BCCIP: variants seen among roughly 807,000 people sequenced by gnomAD.
BCCIP encodes BRCA2 and CDKN1A interacting protein, also known as BRCA2 and CDKN1A-interacting protein.
Under a neutral mutation model 32.8 loss-of-function variants are expected in BCCIP, and 23 were observed. That is an observed-to-expected ratio of 0.70 (90% confidence interval 0.51 to 0.99). The LOEUF (loss-of-function observed/expected upper bound fraction) is 0.99, where lower values mean the gene tolerates loss of function less well. BCCIP is among the 50% of genes least tolerant of loss of function. BCCIP has a pLI of 0.00. For synonymous variants in BCCIP, 144 were observed against 137.6 expected, an observed-to-expected ratio of 1.05 and a Z score of -0.33; for missense variants, 378 against 379.8, an observed-to-expected ratio of 1.00 and a Z score of 0.04.
chr10:125,852,294 T>C, intron 7 of BCCIP: 1 of 1,613,928 alleles, frequency 6.2e-7, no homozygotes, highest in Non-Finnish European at 8.5e-7. Context: ...TAAGGCTACC[T>C]GGTCTGTTCA....
chr10:125,839,400 C>T (rs984856547), downstream of BCCIP, among the ~76,000 whole-genome samples: 3 of 152,230 alleles, frequency 2.0e-5, no homozygotes, highest in Admixed American at 6.5e-5. Flanking sequence ...ACGGTGCCAC[C>T]GACAGCACCC....
chr10:125,829,331 C>A (rs1235224417), intron 3 of BCCIP, among the ~76,000 whole-genome samples: 1 of 152,212 alleles, frequency 6.6e-6, no homozygotes, highest in Non-Finnish European at 1.5e-5. Flanking sequence ...GTGTAGCTGT[C>A]ACTGTTGATG....
chr10:125,830,319 C>G (rs373291723), intron 3 of BCCIP, among the ~76,000 whole-genome samples: 3 of 152,138 alleles, frequency 2.0e-5, no homozygotes, highest in African/African-American at 4.8e-5. Context: ...AAAAGAGGAA[C>G]AGAGTCGAGG....
downstream of BCCIP, chr10:125,841,546 TTAAGA>T: frequency 1.4e-6 from 2 of 1,429,516 alleles, no homozygotes; most frequent in Non-Finnish European, 9.1e-7. Context: ...GTTAGTTTTC[TTAAGA>T]TAATTTTTCA....
intron 7 of BCCIP, among the ~76,000 whole-genome samples, chr10:125,848,400 C>A (rs1944050525): frequency 6.6e-6 from 1 of 152,180 alleles, no homozygotes; most frequent in East Asian, 1.9e-4. Flanking sequence ...CCCCAGGATA[C>A]AAGAGGGCAG....
In BCCIP at chr10:125,823,778, G is replaced by A. The variant is rs557794302; in HGVS notation, c.165+56G>A. On this transcript the variant is annotated intron_variant, in intron 1 of 6. Coordinates refer to ENST00000278100, the MANE Select transcript of BCCIP (RefSeq NM_078468.3). Reference sequence around the variant, plus strand: ...ATACCTGAGAAAAACTTTTTGGCAAGCCCAGGCTGTGTAAAAATAGTGTAG... The same window carrying A: ...ATACCTGAGAAAAACTTTTTGGCAAACCCAGGCTGTGTAAAAATAGTGTAG... The A allele has an allele frequency of 2.6e-5, 42 of 1,594,604 alleles. No individual in the cohort carries two copies. The South Asian group carries it at 4.3e-4, about 16-fold the overall frequency.
chr10:125,842,601 T>C (rs990931835), exon 7 of BCCIP: 1 of 153,598 alleles, frequency 6.5e-6, no homozygotes, highest in African/African-American at 2.4e-5. Context: ...AGCTCAAAAG[T>C]ACCTCTGGGA....
chr10:125,830,834 T>C (rs1411297156), intron 4 of BCCIP, among the ~76,000 whole-genome samples, 183 bp downstream of exon 4: 1 of 152,202 alleles, frequency 6.6e-6, no homozygotes, highest in Non-Finnish European at 1.5e-5. Flanking sequence ...CTGTACCCAG[T>C]TAAAGTTGTT....
Position 125,836,145 on chromosome 10 carries a change from C to T in BCCIP, c.816C>T (p.Ser272=), listed in dbSNP as rs1243725915. ...LKFNYSVQEE[S]DTCLGGKWSF... is the part of the protein sequence containing the mutation. ...TCAACTACTCAGTGCAGGAGGAGAG[C>T]GACACTTGTCTGGGAGGCAAATGGT... is the stretch of plus-strand genomic sequence containing the variant. The change falls in exon 7 of 7, where the codon AGC becomes AGT. Residue 272 remains serine (S), a synonymous_variant. Transcript: ENST00000278100. 6.2e-6 allele frequency: 10 copies of T among 1,614,188 alleles called. No homozygotes were observed. Among genetic ancestry groups the T allele is most frequent in the South Asian group, 1.1e-5 (1 of 91,088 alleles).
Position 125,826,576 on chromosome 10 carries a change from G to A in BCCIP, c.166-15G>A. On this transcript the variant is annotated splice_polypyrimidine_tract_variant and intron_variant, in intron 1 of 6. Transcript: ENST00000278100. ...TAGTTTTTCTGGTAACAACTATTTT[G>A]TGTGTTATTTACAGGAAGTGAATAT... is the stretch of plus-strand genomic sequence containing the variant. 1 of 1,612,552 alleles carries A rather than the reference G, an allele frequency of 6.2e-7. No homozygotes were observed. The highest frequency in any genetic ancestry group is 1.7e-4 in the Middle Eastern group (1 of 6,050).
At chr10:125,839,092 C>A (rs371509912), downstream of BCCIP, 2 of 1,614,058 alleles carry the variant, frequency 1.2e-6, no homozygotes, top group Non-Finnish European at 8.5e-7. Flanking sequence ...AAGCTCGATT[C>A]GCTTGATAAT....
intron 2 of BCCIP, among the ~76,000 whole-genome samples, chr10:125,827,000 A>AAAAAAAAAAAAG (rs1177393002): frequency 1.1e-4 from 17 of 151,720 alleles, no homozygotes; most frequent in South Asian, 6.2e-4. Context: ...TGTCTCTAAA[A>AAAAAAAAAAAAG]AAAAAGAAAA....
Position 125,827,553 on chromosome 10 carries a change from T to G in BCCIP, c.241-5T>G. On this transcript the variant is annotated splice_polypyrimidine_tract_variant and splice_region_variant and intron_variant, in intron 2 of 6. Transcript: ENST00000278100. ...TAATTTAAAATAATTTTTTCCTCCT[T>G]TTAGCTTTTTCTAAAGGCTCCTGTG... 1.9e-6 allele frequency: 3 copies of G among 1,597,412 alleles called. No individual in the cohort carries two copies. Among genetic ancestry groups the G allele is most frequent in the Non-Finnish European group, 2.6e-6 (3 of 1,167,620 alleles).
downstream of BCCIP, among the ~76,000 whole-genome samples, chr10:125,846,896 C>G (rs1944028787): frequency 6.6e-6 from 1 of 152,132 alleles, no homozygotes; most frequent in Admixed American, 6.6e-5. Context: ...AGACTCTGCC[C>G]AGTTCCTAAC....
chr10:125,830,784 A>G, intron 4 of BCCIP, 133 bp downstream of exon 4: 2 of 626,910 alleles, frequency 3.2e-6, no homozygotes, highest in South Asian at 4.4e-5. Flanking sequence ...GTGAAATCTT[A>G]TTGTAATCCT....
downstream of BCCIP, chr10:125,838,962 C>A: frequency 6.3e-7 from 1 of 1,584,520 alleles, no homozygotes; most frequent in Non-Finnish European, 8.6e-7. Flanking sequence ...ATGTGCAATT[C>A]AGCAGAGCCT....
At chr10:125,826,340 C>T (rs1424231178) in intron 1 of BCCIP, 1 of 468,884 alleles carries the variant, frequency 2.1e-6, no homozygotes, top group Non-Finnish European at 3.5e-6. Flanking sequence ...GATTTTTGCC[C>T]ACCCTTGTAA....
downstream of BCCIP, among the ~76,000 whole-genome samples, chr10:125,847,546 A>C (rs1205952082): frequency 3.9e-5 from 6 of 152,202 alleles, no homozygotes; most frequent in Admixed American, 3.3e-4. Context: ...AGAGGTCCCC[A>C]AACTTTTTGG....
intron 7 of BCCIP, chr10:125,852,514 A>G (rs760048971): frequency 1.9e-6 from 3 of 1,613,054 alleles, no homozygotes; most frequent in Non-Finnish European, 2.5e-6. Context: ...AGAATTGACA[A>G]CATTTAGTAT....
Sources: gnomAD v4.1 joint callset for allele counts (sites outside exome capture counted in the v4.1 genomes callset) on GRCh38, gnomAD v4.1.1 for gene constraint, MANE v1.5 for transcripts, NCBI Gene and HGNC (gene_info 2026-07-23, HGNC 2026-07-21) for gene names.